The following BAHCC1 variants were observed in gnomAD, a reference collection of about 807,000 sequenced individuals.
BAHCC1 encodes BAH and coiled-coil domain-containing protein 1.
Under a neutral mutation model 88.2 loss-of-function variants are expected in BAHCC1, and 43 were observed. The ratio of observed to expected loss-of-function variants is 0.49; its 90% confidence interval spans 0.38 to 0.63. BAHCC1 has a LOEUF of 0.63. Ranked by LOEUF, BAHCC1 falls within the 20% of genes least tolerant of loss-of-function variation. The pLI is 0.00. For missense variants in BAHCC1, 3,023 were observed against 1,654.8 expected (o/e 1.83, Z -14.34); for synonymous variants, 1,510 against 745.5 (o/e 2.03, Z -16.71).
rs960244787 is a variant in BAHCC1, at chr17:81,426,912, C to A, written c.291C>A (p.Pro97=). The change falls in exon 3 of 28, where the codon CCC becomes CCA. Residue 97 remains proline (P), a synonymous_variant. Transcript: ENST00000675386. ...STHPSGPSSS[P]PEQAYRGSHP... ...ACCCCAGCGGCCCCAGCTCCTCCCC[C>A]CCTGAGCAGGCCTACCGTGGCTCCC... The A allele has an allele frequency of 1.8e-5, 7 of 398,932 alleles. No homozygotes were observed. The highest frequency in any genetic ancestry group is 4.1e-5 in the African/African-American group (2 of 48,632). 24.7% of individuals were successfully genotyped at this position (398,932 alleles called of 1,614,324 possible).
At chr17:81,425,429 G>A (rs2064173420) in intron 2 of BAHCC1, among the ~76,000 whole-genome samples, 1 of 91,014 alleles carries the variant, frequency 1.1e-5, no homozygotes, top group Non-Finnish European at 2.1e-5. Flanking sequence ...GGGTGATGTG[G>A]TTGGTGGTGA....
chr17:81,452,988 G>A, intron 14 of BAHCC1, 137 bp downstream of exon 14: 2 of 575,112 alleles, frequency 3.5e-6, no homozygotes, highest in South Asian at 4.0e-5. Context: ...GCCTGGCCCT[G>A]CCCTTCCTAG....
Position 81,458,793 on chromosome 17 carries a change from C to G in BAHCC1, c.5449-20C>G, listed in dbSNP as rs782522812. ...CACCCCGCCTGCACCCCACCCAAGC[C>G]TGACTCCTCTGGCCCCCAGGGCAAG... On this transcript the variant is annotated intron_variant, in intron 19 of 27. Coordinates refer to ENST00000675386, the MANE Select transcript of BAHCC1 (RefSeq NM_001377448.1). 5.2e-6 allele frequency: 4 copies of G among 762,342 alleles called. No individual in the cohort carries two copies. The highest frequency in any genetic ancestry group is 1.7e-5 in the Admixed American group (1 of 57,764). 47.2% of individuals were successfully genotyped at this position (762,342 alleles called of 1,614,324 possible). A position where few individuals can be genotyped will look rare whatever the true frequency, so the allele number is the denominator to read the frequency against.
In BAHCC1 at chr17:81,442,375, G is replaced by T; in HGVS notation, c.1026G>T (p.Gln342His). 1.4e-6 allele frequency: 1 copy of T among 702,562 alleles called. No individual in the cohort carries two copies. 43.5% of individuals were successfully genotyped at this position (702,562 alleles called of 1,614,324 possible). ...PAFSECLERR[Q>H]MLHHTASYAG... ...TCAGCGAGTGCCTGGAGCGGCGGCA[G>T]ATGCTACACCACACCGCATCCTACG... The change falls in exon 5 of 28, where the codon CAG (glutamine) becomes CAT (histidine). Residue 342 changes from glutamine to histidine, a missense_variant. Physicochemically the swap from Gln to His is conservative, Grantham distance 24 (BLOSUM62 0). Coordinates refer to ENST00000675386, the MANE Select transcript of BAHCC1 (RefSeq NM_001377448.1).
intron 3 of BAHCC1, among the ~76,000 whole-genome samples, chr17:81,436,135 TC>T (rs1479662978): frequency 1.3e-5 from 2 of 151,244 alleles, no homozygotes; most frequent in Non-Finnish European, 2.9e-5. Context: ...CCCTCCTCCT[TC>T]CCTGGCTCCC....
Position 81,460,284 on chromosome 17 carries a change from C to G in BAHCC1, c.5913C>G (p.Ser1971=), listed in dbSNP as rs1555658721. 1 of 770,586 alleles carries G rather than the reference C, an allele frequency of 1.3e-6. No homozygotes were observed. The highest frequency in any genetic ancestry group is 1.7e-5 in the African/African-American group (1 of 58,896). 47.7% of individuals were successfully genotyped at this position (770,586 alleles called of 1,614,324 possible). A position where few individuals can be genotyped will look rare whatever the true frequency, so the allele number is the denominator to read the frequency against. Residue 1971 remains serine (S), a synonymous_variant, in exon 24 of 28, where the codon TCC becomes TCG. Transcript: ENST00000675386. ...CAGGTGTGCCGTCCACAGGGGCCTC[C>G]GGTGACGAAGATGAGGACCTGGACT... ...LYPGNVVRGA[S]GDEDEDLDSV...
chr17:81,462,110 C>G, intron 26 of BAHCC1, 64 bp downstream of exon 26: 1 of 664,726 alleles, frequency 1.5e-6, no homozygotes, highest in Non-Finnish European at 2.7e-6. Flanking sequence ...GGCTCATGCG[C>G]CCCTGCTGCC....
intron 1 of BAHCC1, chr17:81,396,287 T>C (rs1196530456): frequency 6.6e-6 from 1 of 152,120 alleles, no homozygotes; most frequent in Non-Finnish European, 1.5e-5. Flanking sequence ...TTCAGAATTT[T>C]TTTTTTCCGG....
Position 81,444,451 on chromosome 17 carries a change from C to G in BAHCC1, c.2395C>G (p.His799Asp), listed in dbSNP as rs781976000. The G allele has an allele frequency of 2.7e-6, 2 of 740,654 alleles. No homozygotes were observed. The highest frequency in any genetic ancestry group is 3.4e-5 in the African/African-American group (2 of 58,112). 45.9% of individuals were successfully genotyped at this position (740,654 alleles called of 1,614,324 possible). Residue 799 changes from histidine to aspartate, a missense_variant, in exon 7 of 28, where the codon CAC (histidine) becomes GAC (aspartate). By Grantham distance (81) the His-to-Asp change is moderately conservative. Transcript: ENST00000675386. Reference sequence around the variant, plus strand: ...CAGCTGCCCTGGGGACCTGGCCCCCCACCTCATGATGCAGAGCGGCCAGCT... The same window carrying G: ...CAGCTGCCCTGGGGACCTGGCCCCCGACCTCATGATGCAGAGCGGCCAGCT... The part of the protein sequence containing the change: ...PSSCPGDLAP[H>D]LMMQSGQLGG...
At position 81,461,265 on chromosome 17, in the gene BAHCC1, G is replaced by A. The variant is rs782781834; in HGVS notation, c.6602G>A (p.Arg2201Gln). 8.6e-6 allele frequency: 6 copies of A among 699,056 alleles called. No individual in the cohort carries two copies. Among genetic ancestry groups the A allele is most frequent in the East Asian group, 2.6e-5 (1 of 38,026 alleles). The allele number at this position is 699,056 out of a possible 1,614,324, so 43.3% of individuals were successfully genotyped here. Residue 2201 changes from arginine (R) to glutamine (Q), a missense_variant, in exon 26 of 28, where the codon CGG becomes CAG. Transcript: ENST00000675386. ...RVEAEKGGRRRAGGEFLVKLD... is the reference protein window; with the variant it reads ...RVEAEKGGRRQAGGEFLVKLD... ...GAGGCCGAGAAGGGTGGGCGGCGGCGGGCGGGCGGTGAGTTCCTGGTCAAG... is the reference window on the plus strand; with the variant it reads ...GAGGCCGAGAAGGGTGGGCGGCGGCAGGCGGGCGGTGAGTTCCTGGTCAAG...
chr17:81,402,016 T>C (rs2063823112), intron 2 of BAHCC1: 1 of 152,358 alleles, frequency 6.6e-6, no homozygotes. Flanking sequence ...CCCGGAGGGC[T>C]GTGAGAAACG....
chr17:81,412,272 C>T (rs1425956838), intron 2 of BAHCC1, among the ~76,000 whole-genome samples: 4 of 152,358 alleles, frequency 2.6e-5, no homozygotes, highest in Admixed American at 1.3e-4. Flanking sequence ...GTTTTCATAT[C>T]CCTTTGGGTG....
At chr17:81,426,249 T>C (rs1178162077) in intron 2 of BAHCC1, among the ~76,000 whole-genome samples, 851 of 113,128 alleles carry the variant, frequency 7.5e-3, no homozygotes, top group African/African-American at 0.029. Flanking sequence ...ATGTGGTTGG[T>C]GGTAATAGTC....
intron 2 of BAHCC1, among the ~76,000 whole-genome samples, chr17:81,416,762 G>C (rs1043283992): frequency 2.6e-5 from 4 of 152,228 alleles, no homozygotes; most frequent in Non-Finnish European, 5.9e-5. Context: ...CATGGAGCCT[G>C]TGTCATTGAC....
At chr17:81,449,558 G>A (rs1224404864) in intron 11 of BAHCC1, among the ~76,000 whole-genome samples, 1 of 152,326 alleles carries the variant, frequency 6.6e-6, no homozygotes, top group Admixed American at 6.5e-5. Flanking sequence ...TGCAAGGGCA[G>A]GGGAGGCACA....
chr17:81,437,371 CAG>C (rs1401354221), intron 3 of BAHCC1, among the ~76,000 whole-genome samples: 36 of 152,268 alleles, frequency 2.4e-4, no homozygotes, highest in African/African-American at 8.2e-4. Context: ...GTCTGAGTCT[CAG>C]AGCTCTGCCA....
At position 81,461,402 on chromosome 17, in the gene BAHCC1, G is replaced by A. The variant is rs1291701852; in HGVS notation, c.6739G>A (p.Val2247Met). The A allele has an allele frequency of 1.4e-6, 1 of 723,732 alleles. No homozygotes were observed. Among genetic ancestry groups the A allele is most frequent in the Non-Finnish European group, 2.6e-6 (1 of 391,982 alleles). 44.8% of individuals were successfully genotyped at this position (723,732 alleles called of 1,614,324 possible). ...LGRPLPSPSYVHPALVGKDKK... is the reference protein window; with the variant it reads ...LGRPLPSPSYMHPALVGKDKK... ...GCGGCCCCTGCCCAGCCCCAGCTAT[G>A]TGCACCCGGCCCTTGTGGGCAAGGA... Residue 2247 changes from valine (V) to methionine (M), a missense_variant, in exon 26 of 28, where the codon GTG becomes ATG. Physicochemically the swap from Val to Met is conservative, Grantham distance 21 (BLOSUM62 1). Coordinates refer to ENST00000675386, the MANE Select transcript of BAHCC1 (RefSeq NM_001377448.1).
At chr17:81,457,204 C>G (rs941968448) in intron 16 of BAHCC1, among the ~76,000 whole-genome samples, 22 of 152,144 alleles carry the variant, frequency 1.4e-4, no homozygotes, top group African/African-American at 5.1e-4. Flanking sequence ...ACACCCCTCC[C>G]CACACCCATA....
At chr17:81,397,503 C>T (rs1034446152) in intron 1 of BAHCC1, among the ~76,000 whole-genome samples, 3 of 152,124 alleles carry the variant, frequency 2.0e-5, no homozygotes, top group South Asian at 2.1e-4. Context: ...GGCCCCTCTC[C>T]GGCCTTCGGC....
Sources: gnomAD v4.1 joint callset for allele counts (sites outside exome capture counted in the v4.1 genomes callset) on GRCh38, gnomAD v4.1.1 for gene constraint, MANE v1.5 for transcripts, NCBI Gene and HGNC (gene_info 2026-07-23, HGNC 2026-07-21) for gene names.